The following SLC5A4 variants were observed in gnomAD, a reference collection of about 807,000 sequenced individuals.
SLC5A4 encodes solute carrier family 5 member 4.
In SLC5A4, 55 loss-of-function variants were observed where a neutral mutation model predicts 70.3. The ratio of observed to expected loss-of-function variants is 0.78; its 90% CI spans 0.63 to 0.98. SLC5A4 has a LOEUF of 0.98. Ranked by LOEUF, SLC5A4 falls within the 50% of genes least tolerant of loss-of-function variation. The pLI is 0.00. For synonymous variants in SLC5A4, 268 were observed against 305.7 expected, an observed-to-expected ratio of 0.88 and a Z score of 1.29; for missense variants, 735 against 839.2, an observed-to-expected ratio of 0.88 and a Z score of 1.53.
the SLC5A4 span, among the ~76,000 whole-genome samples, chr22:32,353,344 C>G: frequency 2.6e-5 from 4 of 152,132 alleles, no homozygotes; most frequent in African/African-American, 9.7e-5. Context: ...CCCTATCACC[C>G]CGTAGTGTCA....
At chr22:32,224,223 A>G in intron 13 of SLC5A4, 44 bp downstream of exon 13, 1 of 1,491,200 alleles carries the variant, frequency 6.7e-7, no homozygotes, top group South Asian at 1.1e-5. Context: ...CCCGGCCAAG[A>G]ACTCTTATTT....
At chr22:32,332,099 C>T in the SLC5A4 span, among the ~76,000 whole-genome samples, 5 of 152,114 alleles carry the variant, frequency 3.3e-5, no homozygotes, top group Admixed American at 2.6e-4. Context: ...CCCACCACCA[C>T]CCTCGGCCAA....
intron 10 of SLC5A4, among the ~76,000 whole-genome samples, chr22:32,230,096 C>T (rs936659150): frequency 2.6e-5 from 4 of 152,136 alleles, no homozygotes; most frequent in South Asian, 2.1e-4. Context: ...CCATTAGTAA[C>T]GGCCCTAAGC....
the SLC5A4 span, among the ~76,000 whole-genome samples, chr22:32,278,902 T>C: frequency 1.1e-4 from 16 of 152,266 alleles, no homozygotes; most frequent in Non-Finnish European, 2.4e-4. Flanking sequence ...TATTTATAAT[T>C]TATCCCTCAA....
At chr22:32,234,824 A>G in intron 8 of SLC5A4, 49 bp downstream of exon 8, 1 of 1,349,414 alleles carries the variant, frequency 7.4e-7, no homozygotes, top group Non-Finnish European at 1.1e-6. Context: ...ACATACAGAC[A>G]CACAGACAGA....
the SLC5A4 span, among the ~76,000 whole-genome samples, chr22:32,343,511 T>A: frequency 6.6e-6 from 1 of 152,218 alleles, no homozygotes. Flanking sequence ...GCTGATGGCA[T>A]CACAGAGTTG....
At chr22:32,354,512 G>A in the SLC5A4 span, among the ~76,000 whole-genome samples, 4 of 151,210 alleles carry the variant, frequency 2.6e-5, no homozygotes, top group South Asian at 2.1e-4. Flanking sequence ...CCCCCAACCC[G>A]TGCCTGACAA....
intron 8 of SLC5A4, among the ~76,000 whole-genome samples, chr22:32,233,547 C>T (rs951031812): frequency 2.0e-5 from 3 of 152,076 alleles, no homozygotes; most frequent in East Asian, 1.9e-4. Context: ...AAGATGATAG[C>T]GAAGGGGTCA....
chr22:32,230,176 G>A (rs1925664687), intron 10 of SLC5A4, among the ~76,000 whole-genome samples: 1 of 152,022 alleles, frequency 6.6e-6, no homozygotes, highest in African/African-American at 2.4e-5. Context: ...CATGGTTGTG[G>A]GCCAAAAGTT....
At chr22:32,309,693 C>G in the SLC5A4 span, among the ~76,000 whole-genome samples, 2 of 152,002 alleles carry the variant, frequency 1.3e-5, no homozygotes, top group Non-Finnish European at 2.9e-5. Flanking sequence ...GTGTTCACAC[C>G]CAAGTGCACA....
intron 11 of SLC5A4, among the ~76,000 whole-genome samples, chr22:32,228,575 T>G (rs948737444): frequency 6.6e-6 from 1 of 151,944 alleles, no homozygotes; most frequent in African/African-American, 2.4e-5. Flanking sequence ...ATATAGGGTC[T>G]TCTCGAAAAT....
chr22:32,350,276 C>T, the SLC5A4 span, among the ~76,000 whole-genome samples: 6 of 152,148 alleles, frequency 3.9e-5, no homozygotes, highest in East Asian at 1.9e-4. Context: ...AAGATGGATA[C>T]GCGGAAGTGC....
chr22:32,318,064 C>A, the SLC5A4 span, among the ~76,000 whole-genome samples: 1 of 152,070 alleles, frequency 6.6e-6, no homozygotes, highest in Non-Finnish European at 1.5e-5. Flanking sequence ...GTGATCACTC[C>A]ACCTGCTTCC....
At chr22:32,263,461 C>T in the SLC5A4 span, among the ~76,000 whole-genome samples, 1 of 152,210 alleles carries the variant, frequency 6.6e-6, no homozygotes, top group Admixed American at 6.5e-5. Flanking sequence ...CTCATCATCA[C>T]TGGTCATTAG....
At chr22:32,305,618 C>G in the SLC5A4 span, among the ~76,000 whole-genome samples, 1 of 148,006 alleles carries the variant, frequency 6.8e-6, no homozygotes, top group African/African-American at 2.5e-5. Flanking sequence ...ACTGTGCAGC[C>G]TGTCCCTTCT....
chr22:32,305,887 T>A, the SLC5A4 span, among the ~76,000 whole-genome samples: 1 of 149,912 alleles, frequency 6.7e-6, no homozygotes, highest in Non-Finnish European at 1.5e-5. Context: ...CAGTGCCAGA[T>A]TCAGGGCACT....
the SLC5A4 span, among the ~76,000 whole-genome samples, chr22:32,306,473 AAAAAC>A: frequency 1.1e-4 from 16 of 150,238 alleles, no homozygotes; most frequent in South Asian, 2.1e-4. Context: ...CTCAAAAAAA[AAAAAC>A]AAAAACTACT....
chr22:32,317,930 C>T, the SLC5A4 span, among the ~76,000 whole-genome samples: 1 of 152,230 alleles, frequency 6.6e-6, no homozygotes, highest in African/African-American at 2.4e-5. Flanking sequence ...TCCCAACAGG[C>T]TTTTCTTCCA....
chr22:32,235,070 C>A lies in SLC5A4; in HGVS notation c.688G>T (p.Glu230Ter), dbSNP rs753268339. ...GFAFNEVGGYESFTEKYVNAT... is the reference protein window; with the variant it reads ...GFAFNEVGGY ...TTCACGTACTTCTCGGTAAAGCTCTCATAACCTCCAACTTCGTTAAATGCT... is the reference window on the plus strand; with the variant it reads ...TTCACGTACTTCTCGGTAAAGCTCTAATAACCTCCAACTTCGTTAAATGCT... The change falls in exon 8 of 15, where the codon GAG (glutamate) becomes TAG (stop). Residue 230 changes from glutamate (E) to a stop codon, truncating the protein, a stop_gained. Transcript: ENST00000266086. LOFTEE classifies it high-confidence loss of function. The A allele has an allele frequency of 1.9e-6, 3 of 1,613,578 alleles. No homozygotes were observed. Among genetic ancestry groups the A allele is most frequent in the Non-Finnish European group, 2.5e-6 (3 of 1,179,784 alleles).
Sources: allele counts gnomAD v4.1 joint callset (sites outside exome capture counted in the v4.1 genomes callset), GRCh38; gene constraint gnomAD v4.1.1; transcripts MANE v1.5; gene names NCBI Gene and HGNC (gene_info 2026-07-23, HGNC 2026-07-21).